CAMTA1: variants seen among roughly 807,000 people sequenced by gnomAD.
CAMTA1 encodes calmodulin binding transcription activator 1, also known as calmodulin-binding transcription activator 1.
Under a neutral mutation model 170.9 loss-of-function variants are expected in CAMTA1, and 27 were observed. The ratio of observed to expected loss-of-function variants is 0.16; its 90% CI spans 0.12 to 0.22. CAMTA1 has a LOEUF of 0.22. Among genes scored for constraint, CAMTA1 ranks in the 10% least tolerant of loss-of-function variants. The pLI is 1.00. For missense variants in CAMTA1, 1,619 were observed against 2,217.2 expected, an observed-to-expected ratio of 0.73 and a Z score of 5.42; for synonymous variants, 833 against 891.5, an observed-to-expected ratio of 0.93 and a Z score of 1.17.
intron 5 of CAMTA1, among the ~76,000 whole-genome samples, chr1:7,399,501 T>C (rs571749122): frequency 1.2e-4 from 19 of 152,344 alleles, no homozygotes; most frequent in African/African-American, 4.6e-4. Flanking sequence ...ACTAGAGGTT[T>C]GAAAAAGTAT....
In CAMTA1 at chr1:7,306,543, T is replaced by C. The variant is rs187616360; in HGVS notation, c.438+56917T>C. Among the ~76,000 whole-genome samples, 16 of 152,192 alleles carry C rather than the reference T, an allele frequency of 1.1e-4. No homozygotes were observed. The East Asian group carries it at 2.9e-3, about 27-fold the overall frequency. ...TTGTTTTCATTACTGTAGGTCTATA[T>C]AGGTCTTCAAATTGGTTAGTCAAAT... is the stretch of plus-strand genomic sequence containing the variant. On this transcript the variant is annotated intron_variant, in intron 5 of 22. Transcript: ENST00000303635.
rs966934462 is a variant in CAMTA1, at chr1:7,634,840, C to T, written c.511-5560C>T. On this transcript the variant is annotated intron_variant, in intron 6 of 22. Transcript: ENST00000303635. This position sits in a 1 kb window ranked among gnomAD's most constrained non-coding sequence, Gnocchi z 6.2. ...TGGTAGAGCGGGGCCTCTGTCTCTC[C>T]TGACGACATTCCAGCTGTTCCGAGG... 1.3e-5 allele frequency among the ~76,000 whole-genome samples: 2 copies of T among 152,134 alleles called. No individual in the cohort carries two copies. Among genetic ancestry groups the T allele is most frequent in the African/African-American group, 2.4e-5 (1 of 41,418 alleles).
intron 5 of CAMTA1, among the ~76,000 whole-genome samples, chr1:7,387,002 A>G (rs1460515734): frequency 6.6e-6 from 1 of 151,840 alleles, no homozygotes; most frequent in Non-Finnish European, 1.5e-5. Flanking sequence ...TTGGTTCCCA[A>G]TCTTCTTTGC....
chr1:7,358,345 C>A (rs943128718), intron 5 of CAMTA1, among the ~76,000 whole-genome samples: 15 of 152,158 alleles, frequency 9.9e-5, no homozygotes, highest in African/African-American at 3.6e-4. Flanking sequence ...AAAATGGACT[C>A]CATTTATTTT....
chr1:7,745,968 C>T lies in CAMTA1; in HGVS notation c.4494C>T (p.Phe1498=), dbSNP rs1254209648. Residue 1498 remains phenylalanine, a synonymous_variant, in exon 18 of 23, where the codon TTC becomes TTT. Coordinates refer to ENST00000303635, the MANE Select transcript of CAMTA1 (RefSeq NM_015215.4). ...CCTCCGCCGCGGATTGGTCAGAATT[C>T]CTGAGTGCATCTACCAGTGAGAAGG... is the stretch of plus-strand genomic sequence containing the variant. ...NLPSAADWSE[F]LSASTSEKVE... 2 of 1,614,208 alleles carry T rather than the reference C, an allele frequency of 1.2e-6. No individual in the cohort carries two copies. Among genetic ancestry groups the T allele is most frequent in the East Asian group, 4.5e-5 (2 of 44,892 alleles).
intron 2 of CAMTA1, among the ~76,000 whole-genome samples, chr1:6,824,742 T>A (rs1646917598): frequency 6.6e-6 from 1 of 152,308 alleles, no homozygotes; most frequent in Admixed American, 6.5e-5. Flanking sequence ...TAAAAGATTT[T>A]TGGGCTTTGT....
At chr1:6,979,844 G>A (rs1310489607) in intron 3 of CAMTA1, among the ~76,000 whole-genome samples, 2 of 151,410 alleles carry the variant, frequency 1.3e-5, no homozygotes, top group Non-Finnish European at 2.9e-5. Flanking sequence ...TCTCATGGTG[G>A]TGTAGCTGGG....
chr1:6,983,750 AGGGTT>A (rs1694826776), intron 3 of CAMTA1, among the ~76,000 whole-genome samples: 1 of 143,488 alleles, frequency 7.0e-6, no homozygotes, highest in South Asian at 2.4e-4. Context: ...GGGTGGATAG[AGGGTT>A]GGGTGGGTAG....
intron 4 of CAMTA1, among the ~76,000 whole-genome samples, chr1:7,201,094 C>G (rs1484374374): frequency 6.6e-6 from 1 of 152,208 alleles, no homozygotes; most frequent in Non-Finnish European, 1.5e-5. Flanking sequence ...CATTAATCCA[C>G]TTAGAGTCTC....
chr1:7,548,294 G>GC (rs920305172), intron 6 of CAMTA1, among the ~76,000 whole-genome samples: 60 of 152,158 alleles, frequency 3.9e-4, no homozygotes, highest in African/African-American at 1.3e-3. Context: ...CCAACTCCTT[G>GC]CCCTCTTCTG....
chr1:6,902,072 C>CACACACAAAAA (rs3986505), intron 3 of CAMTA1, among the ~76,000 whole-genome samples: 7 of 88,488 alleles, frequency 7.9e-5, no homozygotes, highest in African/African-American at 1.4e-4. Context: ...CACACACACA[C>CACACACAAAAA]AAAAAAAAAA....
intron 1 of CAMTA1, among the ~76,000 whole-genome samples, chr1:6,799,603 G>A (rs1643418498): frequency 6.6e-6 from 1 of 152,172 alleles, no homozygotes; most frequent in Admixed American, 6.5e-5. Context: ...TAATGAGATA[G>A]TTGGTAGTCA....
intron 11 of CAMTA1, among the ~76,000 whole-genome samples, chr1:7,699,028 T>TAA (rs1270000885): frequency 1.3e-5 from 2 of 152,258 alleles, no homozygotes; most frequent in African/African-American, 4.8e-5. Flanking sequence ...CGGTCAGTCT[T>TAA]CTTTTCTCAA....
chr1:7,180,544 GC>G (rs1430541073), intron 4 of CAMTA1, among the ~76,000 whole-genome samples: 2 of 131,604 alleles, frequency 1.5e-5, no homozygotes, highest in Admixed American at 1.6e-4. Context: ...TTGAGACCGG[GC>G]CCCCCTCTAT....
At chr1:7,499,083 G>T (rs1411211908) in intron 6 of CAMTA1, among the ~76,000 whole-genome samples, 5 of 149,804 alleles carry the variant, frequency 3.3e-5, no homozygotes, top group Non-Finnish European at 7.4e-5. Context: ...ATGAGTGTGT[G>T]TGTGCATGTG....
At chr1:7,479,707 C>T (rs2093480401) in intron 6 of CAMTA1, among the ~76,000 whole-genome samples, 1 of 152,174 alleles carries the variant, frequency 6.6e-6, no homozygotes, top group South Asian at 2.1e-4. Flanking sequence ...GAACCTAGGC[C>T]ACCTCCCAGC....
chr1:7,428,480 T>G (rs2091983419), intron 5 of CAMTA1, among the ~76,000 whole-genome samples: 1 of 152,082 alleles, frequency 6.6e-6, no homozygotes, highest in Non-Finnish European at 1.5e-5. Flanking sequence ...CCTGCCCTGC[T>G]CAGTTGCCTC....
chr1:6,999,752 A>G (rs781116190), intron 3 of CAMTA1, among the ~76,000 whole-genome samples: 91 of 152,288 alleles, frequency 6.0e-4, no homozygotes, highest in Non-Finnish European at 1.9e-4. Context: ...TTGGAGGGTC[A>G]TACAGGTCTA....
intron 4 of CAMTA1, among the ~76,000 whole-genome samples, chr1:7,100,014 G>A (rs933334493): frequency 1.1e-4 from 16 of 152,126 alleles, no homozygotes; most frequent in African/African-American, 3.4e-4. Context: ...GTGGGACCCC[G>A]GGAGGGTCTA....
Sources: allele counts gnomAD v4.1 joint callset (sites outside exome capture counted in the v4.1 genomes callset), GRCh38; gene constraint gnomAD v4.1.1; non-coding constraint Gnocchi (gnomAD v3.1); transcripts MANE v1.5; gene names NCBI Gene and HGNC (gene_info 2026-07-23, HGNC 2026-07-21).